TCF12: variants seen among roughly 807,000 people sequenced by gnomAD.
TCF12 encodes the protein transcription factor 12.
In TCF12, 45 loss-of-function variants were observed where a neutral mutation model predicts 86.0. The ratio of observed to expected loss-of-function variants is 0.52; its 90% CI spans 0.41 to 0.67. TCF12 has a LOEUF of 0.67. Ranked by LOEUF, TCF12 falls within the 30% of genes least tolerant of loss-of-function variation. TCF12 has a pLI of 0.00. For missense variants in TCF12, 881 were observed against 859.9 expected (o/e 1.02, Z -0.31); for synonymous variants, 330 against 299.6 (o/e 1.10, Z -1.05).
At position 57,273,249 on chromosome 15, in the gene TCF12, A is replaced by G. The variant is rs1003360120; in HGVS notation, c.1965A>G (p.Glu655=). 9 of 1,613,994 alleles carry G rather than the reference A, an allele frequency of 5.6e-6. No homozygotes were observed. Among genetic ancestry groups the G allele is most frequent in the Non-Finnish European group, 6.8e-6 (8 of 1,179,996 alleles). The part of the protein sequence containing the change: ...HQAVAVILSL[E]QQVRERNLNP... ...CCGTGGCAGTCATCCTTAGTCTAGA[A>G]CAGCAAGTCAGAGGTAAGTAGGTTC... Residue 655 remains glutamate, a synonymous_variant, in exon 19 of 21, where the codon GAA becomes GAG. Transcript: ENST00000333725.
intron 3 of TCF12, among the ~76,000 whole-genome samples, chr15:57,062,664 T>A (rs995217451): frequency 3.3e-5 from 5 of 152,214 alleles, no homozygotes; most frequent in Admixed American, 2.0e-4. Flanking sequence ...ATGGAGAATT[T>A]GTGGCATTTA....
At chr15:57,234,733 G>A (rs1024692902) in intron 12 of TCF12, among the ~76,000 whole-genome samples, 5 of 152,054 alleles carry the variant, frequency 3.3e-5, no homozygotes, top group Non-Finnish European at 5.9e-5. Flanking sequence ...CTCCTCTTTC[G>A]GAATGCCAAA....
At chr15:56,999,322 G>C (rs1196439448) in intron 3 of TCF12, among the ~76,000 whole-genome samples, 1 of 152,070 alleles carries the variant, frequency 6.6e-6, no homozygotes, top group Non-Finnish European at 1.5e-5. Flanking sequence ...ATTAAAAGTT[G>C]AGTTTCCTTT....
intron 5 of TCF12, chr15:57,118,329 T>C (rs2050985314): frequency 6.6e-6 from 1 of 152,252 alleles, no homozygotes; most frequent in Non-Finnish European, 1.5e-5. Flanking sequence ...TGTTAACCCA[T>C]GTTAAAGAAT....
intron 3 of TCF12, among the ~76,000 whole-genome samples, chr15:57,054,598 T>C (rs1412937070): frequency 6.6e-6 from 1 of 152,166 alleles, no homozygotes; most frequent in Non-Finnish European, 1.5e-5. Flanking sequence ...ATTGCTTCCC[T>C]GTCTTCTTTC....
At chr15:56,954,260 G>T (rs1354931990) in intron 3 of TCF12, among the ~76,000 whole-genome samples, 3 of 151,822 alleles carry the variant, frequency 2.0e-5, no homozygotes, top group African/African-American at 7.3e-5. Flanking sequence ...TAATTTGATT[G>T]TGGTTCACAT....
At chr15:57,247,860 C>T in intron 13 of TCF12, 2 of 758,902 alleles carry the variant, frequency 2.6e-6, no homozygotes, top group Non-Finnish European at 4.8e-6. Flanking sequence ...ACCACACAAT[C>T]TGTGAGTGTG....
chr15:56,966,584 G>T (rs1377037208), intron 3 of TCF12, among the ~76,000 whole-genome samples: 4 of 152,106 alleles, frequency 2.6e-5, no homozygotes, highest in Non-Finnish European at 5.9e-5. Context: ...TAGTCTCTGG[G>T]TATAGTTGAT....
At chr15:57,014,313 C>T (rs1238912358) in intron 3 of TCF12, among the ~76,000 whole-genome samples, 1 of 152,126 alleles carries the variant, frequency 6.6e-6, no homozygotes, top group Non-Finnish European at 1.5e-5. Flanking sequence ...ATCCCAAAAG[C>T]CACTCTACAG....
chr15:56,936,231 G>A (rs192406152), intron 3 of TCF12, among the ~76,000 whole-genome samples: 1 of 152,282 alleles, frequency 6.6e-6, no homozygotes, highest in Non-Finnish European at 1.5e-5. Context: ...CTGATCATTA[G>A]CGATGTTGAG....
At chr15:57,280,516 A>G (rs1319824438) in intron 19 of TCF12, among the ~76,000 whole-genome samples, 3 of 152,188 alleles carry the variant, frequency 2.0e-5, no homozygotes, top group Non-Finnish European at 2.9e-5. Flanking sequence ...ACTTTTTAAA[A>G]ACTTGGATGT....
intron 3 of TCF12, among the ~76,000 whole-genome samples, chr15:56,953,320 G>A (rs8040708): frequency 0.21 from 31,298 of 151,792 alleles, 3,575 homozygotes; most frequent in Middle Eastern, 0.31. Context: ...CAATGTTTTT[G>A]TCTGGTTTTG....
chr15:57,234,441 G>A (rs1030787762), intron 12 of TCF12, among the ~76,000 whole-genome samples: 1 of 152,130 alleles, frequency 6.6e-6, no homozygotes, highest in Non-Finnish European at 1.5e-5. Context: ...CTGATCCAGA[G>A]AATGAAGTAC....
intron 6 of TCF12, among the ~76,000 whole-genome samples, chr15:57,190,478 A>G (rs960722847): frequency 3.9e-5 from 6 of 152,046 alleles, no homozygotes; most frequent in Non-Finnish European, 5.9e-5. Flanking sequence ...TAAATATATG[A>G]TGGGGGATTC....
At chr15:57,032,624 T>C (rs1272362760) in intron 3 of TCF12, among the ~76,000 whole-genome samples, 3 of 152,114 alleles carry the variant, frequency 2.0e-5, no homozygotes, top group African/African-American at 7.2e-5. Context: ...TTAAAATTTT[T>C]TGTAGAGAGG....
At chr15:57,003,362 A>G (rs1404919310) in intron 3 of TCF12, among the ~76,000 whole-genome samples, 1 of 152,206 alleles carries the variant, frequency 6.6e-6, no homozygotes, top group African/African-American at 2.4e-5. Context: ...AAAGACATAT[A>G]TATTGTTGAT....
intron 8 of TCF12, among the ~76,000 whole-genome samples, chr15:57,207,513 A>G (rs1566916490): frequency 6.6e-6 from 1 of 152,116 alleles, no homozygotes; most frequent in Non-Finnish European, 1.5e-5. Flanking sequence ...TCTACTAAAA[A>G]TACAAAAATT....
chr15:57,019,605 A>T (rs1275492521), intron 3 of TCF12, among the ~76,000 whole-genome samples: 2 of 152,056 alleles, frequency 1.3e-5, no homozygotes, highest in Non-Finnish European at 2.9e-5. Flanking sequence ...TGCTGAGTCC[A>T]CCCACCTCTG....
chr15:57,022,854 C>G (rs2065583073), intron 3 of TCF12, among the ~76,000 whole-genome samples: 2 of 152,052 alleles, frequency 1.3e-5, no homozygotes, highest in African/African-American at 4.8e-5. Flanking sequence ...TCAGACAGAT[C>G]TTTTCTTGTT....
Sources: allele counts gnomAD v4.1 joint callset (sites outside exome capture counted in the v4.1 genomes callset), GRCh38; gene constraint gnomAD v4.1.1; transcripts MANE v1.5; gene names NCBI Gene and HGNC (gene_info 2026-07-23, HGNC 2026-07-21).